The following PP2D1 variants were observed in gnomAD, a reference collection of about 807,000 sequenced individuals.
PP2D1 encodes the protein protein phosphatase 2C like domain containing 1.
Under a neutral mutation model 30.2 loss-of-function variants are expected in PP2D1, and 25 were observed. The observed-to-expected ratio is 0.83, with a 90% confidence interval of 0.60 to 1.16. PP2D1 has a LOEUF of 1.16. Ranked by LOEUF, PP2D1 falls within the 50% of genes most tolerant of loss-of-function variation. PP2D1 has a pLI of 0.00. For synonymous variants in PP2D1, 260 were observed against 258.9 expected (o/e 1.00, Z -0.04); for missense variants, 760 against 742.4 (o/e 1.02, Z -0.28).
chr3:19,988,477 ATGT>A (rs1370028802), intron 2 of PP2D1, among the ~76,000 whole-genome samples: 3 of 152,166 alleles, frequency 2.0e-5, no homozygotes, highest in Non-Finnish European at 4.4e-5. Flanking sequence ...TCCTGATAAG[ATGT>A]TATCAATGAC....
downstream of PP2D1, chr3:19,983,612 G>A: frequency 2.5e-6 from 2 of 815,546 alleles, no homozygotes; most frequent in Non-Finnish European, 4.1e-6. Context: ...TACTTTGGGG[G>A]TAACCTAACT....
At chr3:19,981,789 G>GT (rs1479727749), downstream of PP2D1, among the ~76,000 whole-genome samples, 7 of 152,044 alleles carry the variant, frequency 4.6e-5, no homozygotes, top group African/African-American at 1.7e-4. Context: ...AGGTAAAGCC[G>GT]TAACTGCTGG....
At chr3:19,988,142 A>G (rs1697066637) in intron 2 of PP2D1, among the ~76,000 whole-genome samples, 1 of 152,216 alleles carries the variant, frequency 6.6e-6, no homozygotes, top group African/African-American at 2.4e-5. Flanking sequence ...AGAGCAGGAT[A>G]ACAGCGATGT....
chr3:20,002,385 G>A (rs975991836), intron 1 of PP2D1, among the ~76,000 whole-genome samples: 1 of 152,192 alleles, frequency 6.6e-6, no homozygotes, highest in Non-Finnish European at 1.5e-5. Flanking sequence ...GCGAAAGTAT[G>A]TATTTGAGAC....
chr3:19,995,575 G>T (rs1697169972), intron 2 of PP2D1, among the ~76,000 whole-genome samples: 1 of 152,164 alleles, frequency 6.6e-6, no homozygotes, highest in Non-Finnish European at 1.5e-5. Context: ...TGTTACAGCA[G>T]CCTTAGGAAA....
At chr3:19,997,409 C>A (rs987647940) in intron 2 of PP2D1, among the ~76,000 whole-genome samples, 1 of 150,844 alleles carries the variant, frequency 6.6e-6, no homozygotes, top group African/African-American at 2.4e-5. Flanking sequence ...ATAATAAAGG[C>A]CCTGCTATGG....
chr3:19,985,712 A>T lies in PP2D1; in HGVS notation c.1561T>A (p.Ser521Thr). The T allele has an allele frequency of 1.3e-6, 2 of 1,535,714 alleles. No homozygotes were observed. Among genetic ancestry groups the T allele is most frequent in the Non-Finnish European group, 1.7e-6 (2 of 1,146,490 alleles). Residue 521 changes from serine (S) to threonine (T), a missense_variant, in exon 3 of 3, where the codon TCT becomes ACT. By Grantham distance (58) the Ser-to-Thr change is moderately conservative (BLOSUM62 1). Around this residue, in one of 3 missense-constraint regions of PP2D1, gnomAD observed 369 missense variants for 316.2 expected, o/e 1.17. Coordinates refer to ENST00000389050, the MANE Select transcript of PP2D1 (RefSeq NM_001252657.2). Reference sequence around the variant, plus strand: ...TTTGTAGTTGACACACGTACTTCAGATACAGATTTATACTGAAACAATACG... The same window carrying T: ...TTTGTAGTTGACACACGTACTTCAGTTACAGATTTATACTGAAACAATACG... ...IHVLFQYKSV[S>T]EVRVSTTNSK...
At chr3:19,987,357 T>A (rs992939857) in intron 2 of PP2D1, among the ~76,000 whole-genome samples, 4 of 152,184 alleles carry the variant, frequency 2.6e-5, no homozygotes, top group African/African-American at 9.7e-5. Flanking sequence ...ACGTATTTTT[T>A]AAATTACATA....
chr3:20,007,211 A>C (rs577971747), intron 1 of PP2D1, among the ~76,000 whole-genome samples: 1 of 152,306 alleles, frequency 6.6e-6, no homozygotes, highest in African/African-American at 2.4e-5. Context: ...TAGAATATAC[A>C]TAATCAATGT....
At chr3:19,988,842 C>T (rs777598044) in intron 2 of PP2D1, among the ~76,000 whole-genome samples, 1 of 152,284 alleles carries the variant, frequency 6.6e-6, no homozygotes, top group South Asian at 2.1e-4. Flanking sequence ...CCCGATAGGG[C>T]ATGGTGGCAC....
intron 2 of PP2D1, among the ~76,000 whole-genome samples, chr3:19,989,322 ACT>A (rs900279511): frequency 2.0e-5 from 3 of 152,190 alleles, no homozygotes; most frequent in Non-Finnish European, 1.5e-5. Flanking sequence ...ACAGAGTGAG[ACT>A]CAAAAAAAGC....
chr3:19,993,142 A>T (rs1697138216), intron 2 of PP2D1, among the ~76,000 whole-genome samples: 1 of 152,258 alleles, frequency 6.6e-6, no homozygotes, highest in Non-Finnish European at 1.5e-5. Context: ...TATGAGACAG[A>T]AAGCTAGGAC....
At chr3:19,995,991 G>A (rs1697175373) in intron 2 of PP2D1, among the ~76,000 whole-genome samples, 1 of 151,992 alleles carries the variant, frequency 6.6e-6, no homozygotes, top group African/African-American at 2.4e-5. Flanking sequence ...GAAATTTATA[G>A]TAATAAACTC....
At chr3:20,009,285 A>G (rs1184591723) in intron 1 of PP2D1, among the ~76,000 whole-genome samples, 1 of 151,992 alleles carries the variant, frequency 6.6e-6, no homozygotes, top group Non-Finnish European at 1.5e-5. Flanking sequence ...AACATAGTGA[A>G]ACCCCTTCTC....
intron 1 of PP2D1, among the ~76,000 whole-genome samples, chr3:20,006,558 C>T (rs1243995814): frequency 6.6e-6 from 1 of 152,068 alleles, no homozygotes; most frequent in African/African-American, 2.4e-5. Flanking sequence ...AACTCCTGGG[C>T]TCAAGCCATC....
chr3:19,986,225 A>G, intron 2 of PP2D1, 43 bp from the exon 3 acceptor site: 1 of 1,335,182 alleles, frequency 7.5e-7, no homozygotes, highest in Non-Finnish European at 9.9e-7. Flanking sequence ...TATCCTAGAG[A>G]TAACCAATTG....
At chr3:19,988,712 T>TC (rs1697076134) in intron 2 of PP2D1, among the ~76,000 whole-genome samples, 1 of 152,130 alleles carries the variant, frequency 6.6e-6, no homozygotes, top group Non-Finnish European at 1.5e-5. Context: ...GTGTGATGTC[T>TC]CCCCCGGACA....
chr3:19,995,525 T>G (rs1246120659), intron 2 of PP2D1, among the ~76,000 whole-genome samples: 4 of 152,180 alleles, frequency 2.6e-5, no homozygotes, highest in African/African-American at 9.7e-5. Flanking sequence ...CATGAGAGAA[T>G]AAATGTTTGC....
At chr3:19,987,179 C>T (rs1436363772) in intron 2 of PP2D1, among the ~76,000 whole-genome samples, 1 of 152,064 alleles carries the variant, frequency 6.6e-6, no homozygotes, top group East Asian at 1.9e-4. Context: ...TCAAATGAAT[C>T]TGTGATGGTG....
Sources: allele counts gnomAD v4.1 joint callset (sites outside exome capture counted in the v4.1 genomes callset), GRCh38; gene constraint gnomAD v4.1.1; regional missense constraint gnomAD v4.1.1; transcripts MANE v1.5; gene names NCBI Gene and HGNC (gene_info 2026-07-23, HGNC 2026-07-21).